ATP2B3: variants seen among roughly 807,000 people sequenced by gnomAD.
ATP2B3 encodes ATPase plasma membrane Ca2+ transporting 3.
ATP2B3 carries 12 observed loss-of-function variants against 70.8 expected under a neutral mutation model. The observed-to-expected ratio is 0.17, with a 90% CI of 0.11 to 0.27. The LOEUF (loss-of-function observed/expected upper bound fraction) is 0.27. ATP2B3 is among the 10% of genes least tolerant of loss of function. The pLI, the probability that ATP2B3 is intolerant of heterozygous loss-of-function variation, is 1.00. For synonymous variants in ATP2B3, 460 were observed against 497.8 expected, an observed-to-expected ratio of 0.92 and a Z score of 1.01; for missense variants, 858 against 1,118.5, an observed-to-expected ratio of 0.77 and a Z score of 3.32.
intron 9 of ATP2B3, among the ~76,000 whole-genome samples, 155 bp from the exon 10 acceptor site, chrX:153,548,485 C>T (rs2090404851): frequency 8.9e-6 from 1 of 111,807 alleles, no homozygotes; most frequent in African/African-American, 3.3e-5. Context: ...CCTGCTGAGC[C>T]AAACCTGGGC....
chrX:153,552,658 T>C (rs1430059211), intron 12 of ATP2B3, among the ~76,000 whole-genome samples: 2 of 112,678 alleles, frequency 1.8e-5, no homozygotes, highest in Non-Finnish European at 3.8e-5. Context: ...TCTCTCAGCC[T>C]GCAGCAGTGC....
intron 19 of ATP2B3, 123 bp downstream of exon 19, chrX:153,561,010 C>A (rs2090616993): frequency 2.5e-6 from 2 of 790,674 alleles, no homozygotes; most frequent in Non-Finnish European, 3.7e-6. Context: ...AGGAGCCCCA[C>A]CCCACCTGGC....
At chrX:153,527,287 G>C (rs2090048869) in intron 2 of ATP2B3, among the ~76,000 whole-genome samples, 1 of 112,444 alleles carries the variant, frequency 8.9e-6, no homozygotes, top group South Asian at 3.7e-4. Context: ...CAAACACGAG[G>C]TCTCCGTCCC....
intron 21 of ATP2B3, among the ~76,000 whole-genome samples, chrX:153,575,827 T>C (rs1557021241): frequency 1.8e-5 from 2 of 111,014 alleles, no homozygotes; most frequent in Non-Finnish European, 3.8e-5. Flanking sequence ...GCTGGAGCAG[T>C]GTCGGACAGC....
chrX:153,574,996 G>A, intron 21 of ATP2B3: 1 of 270,439 alleles, frequency 3.7e-6, no homozygotes, highest in Non-Finnish European at 7.3e-6. Flanking sequence ...TGTCTCCTCT[G>A]GGCAGCTGGT....
At chrX:153,543,005 T>C (rs2090310743) in intron 6 of ATP2B3, 38 bp from the exon 7 acceptor site, 1 of 1,199,914 alleles carries the variant, frequency 8.3e-7, no homozygotes. Flanking sequence ...CACTGGGTGA[T>C]ACAAATTCCT....
In ATP2B3 at chrX:153,545,377, AAC is replaced by A. The variant is rs1275990188; in HGVS notation, c.917-704_917-703del. ...GCGTCTCATTCCTTTGTCCCTTTAA[AAC>A]ACACACTGGGGCCAGGCACAGTGGC... On this transcript the variant is annotated intron_variant, in intron 7 of 21. Transcript: ENST00000263519. 3.5e-5 allele frequency among the ~76,000 whole-genome samples: 4 copies of A among 112,786 alleles called. No homozygotes were observed. In the East Asian group the frequency reaches 1.1e-3, roughly 32 times the overall value.
At chrX:153,561,986 C>T (rs2090632093) in intron 19 of ATP2B3, 149 bp from the exon 20 acceptor site, 4 of 541,641 alleles carry the variant, frequency 7.4e-6, no homozygotes, top group South Asian at 5.1e-5. Context: ...GCTCTGTCAT[C>T]ACGCCCCCGG....
intron 17 of ATP2B3, among the ~76,000 whole-genome samples, chrX:153,558,714 G>A (rs1307901633): frequency 8.9e-6 from 1 of 112,091 alleles, no homozygotes; most frequent in Non-Finnish European, 1.9e-5. Flanking sequence ...GCTTAGCACC[G>A]TGTTTTCAGG....
At chrX:153,533,940 A>G (rs1033247591) in intron 2 of ATP2B3, among the ~76,000 whole-genome samples, 1 of 111,914 alleles carries the variant, frequency 8.9e-6, no homozygotes, top group Non-Finnish European at 1.9e-5. Flanking sequence ...GGGGAGGGCC[A>G]CCAGGCCTCG....
At chrX:153,544,567 C>G (rs1557008012) in intron 7 of ATP2B3, among the ~76,000 whole-genome samples, 2 of 111,529 alleles carry the variant, frequency 1.8e-5, no homozygotes, top group African/African-American at 6.5e-5. Context: ...GGAGGGAGAG[C>G]AGCAGCTGGC....
chrX:153,542,543 C>T (rs782171969), intron 6 of ATP2B3, 95 bp downstream of exon 6: 2 of 1,076,262 alleles, frequency 1.9e-6, no homozygotes, highest in South Asian at 4.4e-5. Context: ...GCTCAGCCTC[C>T]ACCTCCACCA....
chrX:153,574,451 C>T (rs2090829619), intron 21 of ATP2B3, among the ~76,000 whole-genome samples: 2 of 111,479 alleles, frequency 1.8e-5, no homozygotes, highest in East Asian at 5.6e-4. Flanking sequence ...CAGAAGCATC[C>T]GAGTTCTGTG....
chrX:153,526,053 G>A (rs1344626743), intron 2 of ATP2B3, among the ~76,000 whole-genome samples: 3 of 112,941 alleles, frequency 2.7e-5, no homozygotes, highest in African/African-American at 9.6e-5. Flanking sequence ...GAGGAAGCTG[G>A]GCTATAGCAC....
chrX:153,571,451 G>A (rs1181208139), intron 21 of ATP2B3, among the ~76,000 whole-genome samples: 4 of 111,534 alleles, frequency 3.6e-5, no homozygotes, highest in Admixed American at 1.9e-4. Flanking sequence ...CACTCCACGC[G>A]TTCCTCGAGC....
chrX:153,566,788 C>T (rs1308318791), intron 21 of ATP2B3, among the ~76,000 whole-genome samples: 2 of 111,546 alleles, frequency 1.8e-5, no homozygotes, highest in African/African-American at 3.3e-5. Flanking sequence ...TGTGCCACTG[C>T]ACCTCCCCAA....
intron 21 of ATP2B3, among the ~76,000 whole-genome samples, chrX:153,568,753 T>C (rs2090746953): frequency 8.9e-6 from 1 of 112,580 alleles, no homozygotes; most frequent in Non-Finnish European, 1.9e-5. Flanking sequence ...TCAAGCTGCC[T>C]TCTTCCACGA....
rs2090186383 is a variant in ATP2B3 at position 153,536,070 on chromosome X, TCA to T, written c.-126-51_-126-50del. 3.5e-5 allele frequency: 17 copies of T among 487,364 alleles called. No homozygotes were observed. In the South Asian group the frequency reaches 5.1e-4, roughly 15 times the overall value. 40.2% of individuals were successfully genotyped at this position (487,364 alleles called of 1,213,427 possible). A position where few individuals can be genotyped will look rare whatever the true frequency, so the allele number is the denominator to read the frequency against. On this transcript the variant is annotated intron_variant, in intron 2 of 21. Transcript: ENST00000263519. ...CGAGAATATTCTGGAAGATGGGACC[TCA>T]GTTTTGTCTCAACCACTCCCCTGGC...
intron 21 of ATP2B3, among the ~76,000 whole-genome samples, chrX:153,570,677 C>G (rs2090773153): frequency 9.0e-6 from 1 of 111,215 alleles, no homozygotes; most frequent in South Asian, 3.8e-4. Context: ...AGTAAACTTT[C>G]GCGCGTGGGC....
Sources: gnomAD v4.1 joint callset for allele counts (sites outside exome capture counted in the v4.1 genomes callset) on GRCh38, gnomAD v4.1.1 for gene constraint, MANE v1.5 for transcripts, NCBI Gene and HGNC (gene_info 2026-07-23, HGNC 2026-07-21) for gene names.